Variants in TIMP2 observed in about 807,000 individuals in gnomAD.
TIMP2 encodes TIMP metallopeptidase inhibitor 2.
TIMP2 carries 5 observed loss-of-function variants against 24.3 expected under a neutral mutation model. That is an observed-to-expected ratio of 0.21 (90% CI 0.11 to 0.43). The LOEUF is 0.43. Ranked by LOEUF, TIMP2 falls within the 20% of genes least tolerant of loss-of-function variation. TIMP2 has a pLI of 1.00. For synonymous variants in TIMP2, 130 were observed against 123.2 expected (o/e 1.06, Z -0.37); for missense variants, 221 against 297.5 (o/e 0.74, Z 1.89).
chr17:78,879,597 G>A (rs550206368), intron 1 of TIMP2, among the ~76,000 whole-genome samples: 3 of 152,100 alleles, frequency 2.0e-5, no homozygotes, highest in Non-Finnish European at 4.4e-5. Context: ...AGGCAGCTGC[G>A]AGAGGGGGAG....
Position 78,925,288 on chromosome 17 carries a change from C to CG in TIMP2, c.-201dup, listed in dbSNP as rs2070342687. ...TCTCGGGGGCGCGAGGGGAGGGGCG[C>CG]GGGGCGCAATTCGCCGGGCGGGGCG... is the stretch of plus-strand genomic sequence containing the variant. On this transcript the variant is annotated 5_prime_UTR_variant, in exon 1 of 5. Coordinates refer to ENST00000262768, the MANE Select transcript of TIMP2 (RefSeq NM_003255.5). 4.6e-5 allele frequency: 2 copies of CG among 43,556 alleles called. No individual in the cohort carries two copies. The highest frequency in any genetic ancestry group is 9.1e-5 in the Non-Finnish European group (2 of 21,998). 2.7% of individuals were successfully genotyped at this position (43,556 alleles called of 1,614,324 possible). A position where few individuals can be genotyped will look rare whatever the true frequency, so the allele number is the denominator to read the frequency against.
Position 78,924,889 on chromosome 17 carries a change from G to A in TIMP2, c.130+70C>T. The A allele has an allele frequency of 9.7e-7, 1 of 1,028,258 alleles. No homozygotes were observed. The highest frequency in any genetic ancestry group is 1.2e-6 in the Non-Finnish European group (1 of 825,184). 63.7% of individuals were successfully genotyped at this position (1,028,258 alleles called of 1,614,324 possible). On this transcript the variant is annotated intron_variant, in intron 1 of 4. Transcript: ENST00000262768. This position sits in a 1 kb window ranked among gnomAD's most constrained non-coding sequence, Gnocchi z 5.3. The stretch of plus-strand genomic sequence containing the variant: ...CCTCGGCCAGCGGCGGGCGGGCGGG[G>A]CGTCTGCGAACCCTCGGGGTCGCGG...
At chr17:78,871,907 A>AC (rs1267712312) in intron 2 of TIMP2, among the ~76,000 whole-genome samples, 2 of 149,554 alleles carry the variant, frequency 1.3e-5, no homozygotes, top group Admixed American at 1.3e-4. Context: ...CTGTTCCCTC[A>AC]CCCCCCACCC....
Position 78,857,520 on chromosome 17 carries a change from A to T in TIMP2, c.465+2T>A. 1 of 1,614,006 alleles carries T rather than the reference A, an allele frequency of 6.2e-7. No individual in the cohort carries two copies. The highest frequency in any genetic ancestry group is 8.5e-7 in the Non-Finnish European group (1 of 1,179,992). On this transcript the variant is annotated splice_donor_variant, in intron 4 of 4. Transcript: ENST00000262768. LOFTEE classifies it high-confidence loss of function. ...GCTCCAGCAGAGGCAGGACCTGCTT[A>T]CCTTGCACTCGCAGCCCATCTGGTA... is the stretch of plus-strand genomic sequence containing the variant.
intron 2 of TIMP2, among the ~76,000 whole-genome samples, chr17:78,871,447 G>A (rs1269431062): frequency 5.5e-5 from 2 of 36,680 alleles, no homozygotes; most frequent in South Asian, 7.4e-4. Context: ...GTAAGACTCC[G>A]TCAAAAAAAA....
At chr17:78,900,829 G>C (rs2070079520) in intron 1 of TIMP2, 1 of 152,262 alleles carries the variant, frequency 6.6e-6, no homozygotes, top group Admixed American at 6.5e-5. Flanking sequence ...AACTATGCAA[G>C]TACAGAGGTG....
chr17:78,920,139 C>A lies in TIMP2; in HGVS notation c.130+4820G>T, dbSNP rs1264917360. ...TCGAGTCAGTGGTTCTGCATCAGGA[C>A]TGGAGACGGCTGCCCGCGCCTCTCA... On this transcript the variant is annotated intron_variant, in intron 1 of 4. Coordinates refer to ENST00000262768, the MANE Select transcript of TIMP2 (RefSeq NM_003255.5). This position sits in a 1 kb window ranked among gnomAD's most constrained non-coding sequence, Gnocchi z 4.5. 6.6e-6 allele frequency among the ~76,000 whole-genome samples: 1 copy of A among 152,238 alleles called. No individual in the cohort carries two copies. Among genetic ancestry groups the A allele is most frequent in the Non-Finnish European group, 1.5e-5 (1 of 68,040 alleles).
chr17:78,902,430 G>A (rs1438341940), intron 1 of TIMP2, among the ~76,000 whole-genome samples: 1 of 152,244 alleles, frequency 6.6e-6, no homozygotes, highest in Non-Finnish European at 1.5e-5. Flanking sequence ...TGGACTGGCT[G>A]TGTTAGCATC....
intron 1 of TIMP2, among the ~76,000 whole-genome samples, chr17:78,902,102 C>T (rs1394991162): frequency 2.6e-5 from 4 of 152,148 alleles, no homozygotes; most frequent in Admixed American, 2.0e-4. Context: ...GGCGGGGGGA[C>T]GGGGGTCCCA....
At chr17:78,878,481 T>C (rs1211242915) in intron 1 of TIMP2, among the ~76,000 whole-genome samples, 1 of 152,120 alleles carries the variant, frequency 6.6e-6, no homozygotes, top group African/African-American at 2.4e-5. Flanking sequence ...GGGTGAGGGA[T>C]TGGGACGGTG....
At position 78,857,612 on chromosome 17, in the gene TIMP2, G is replaced by T. The variant is rs970027974; in HGVS notation, c.375C>A (p.Thr125=). Residue 125 remains threonine (T), a synonymous_variant, in exon 4 of 5, where the codon ACC becomes ACA. Transcript: ENST00000262768. Reference sequence around the variant, plus strand: ...CCCAGGGCACGATGAAGTCACAGAGGGTGATGTGCATCTTGCCGTCCCCCT... The same window carrying T: ...CCCAGGGCACGATGAAGTCACAGAGTGTGATGTGCATCTTGCCGTCCCCCT... The part of the protein sequence containing the change: ...KAEGDGKMHI[T]LCDFIVPWDT... 5 of 1,614,060 alleles carry T rather than the reference G, an allele frequency of 3.1e-6. No homozygotes were observed. The highest frequency in any genetic ancestry group is 4.2e-6 in the Non-Finnish European group (5 of 1,180,034).
At chr17:78,862,571 T>G (rs1191274730) in intron 3 of TIMP2, among the ~76,000 whole-genome samples, 1 of 152,248 alleles carries the variant, frequency 6.6e-6, no homozygotes, top group Non-Finnish European at 1.5e-5. Flanking sequence ...TGTTGATTTT[T>G]AGAAACAGGA....
intron 3 of TIMP2, among the ~76,000 whole-genome samples, chr17:78,862,457 T>C (rs931227): frequency 0.87 from 132,167 of 152,296 alleles, 57,746 homozygotes; most frequent in African/African-American, 0.96. Flanking sequence ...CATTAACAGC[T>C]TCACCCCTGC....
chr17:78,893,201 A>G (rs1161708429), intron 1 of TIMP2, among the ~76,000 whole-genome samples: 8 of 49,926 alleles, frequency 1.6e-4, no homozygotes, highest in East Asian at 6.3e-4. Flanking sequence ...GTGTGCAAGG[A>G]TGTGTGTGCA....
chr17:78,856,685 C>G, intron 4 of TIMP2: 1 of 152,510 alleles, frequency 6.6e-6, no homozygotes, highest in Non-Finnish European at 1.5e-5. Context: ...AGGCGCTGCA[C>G]TGCTCCAGCT....
intron 3 of TIMP2, 25 bp from the exon 4 acceptor site, chr17:78,857,671 G>A: frequency 1.2e-6 from 2 of 1,613,678 alleles, no homozygotes; most frequent in Non-Finnish European, 8.5e-7. Context: ...GGATCACCGA[G>A]CTCAGGGAGA....
rs1268048970 is a variant in TIMP2 at position 78,920,353 on chromosome 17, C to A, written c.130+4606G>T. ...CCAGGACTGCGTACGTGGCTCTGCA[C>A]CCCCAGAAGGGTGCAAATAGGGGAG... is the stretch of plus-strand genomic sequence containing the variant. On this transcript the variant is annotated intron_variant, in intron 1 of 4. Coordinates refer to ENST00000262768, the MANE Select transcript of TIMP2 (RefSeq NM_003255.5). This position sits in a 1 kb window ranked among gnomAD's most constrained non-coding sequence, Gnocchi z 4.5. 6.6e-6 allele frequency among the ~76,000 whole-genome samples: 1 copy of A among 152,204 alleles called. No individual in the cohort carries two copies. Among genetic ancestry groups the A allele is most frequent in the African/African-American group, 2.4e-5 (1 of 41,444 alleles).
intron 1 of TIMP2, among the ~76,000 whole-genome samples, chr17:78,922,858 G>A (rs1373787975): frequency 6.6e-6 from 1 of 152,160 alleles, no homozygotes; most frequent in Non-Finnish European, 1.5e-5. Context: ...GCCATGTGAA[G>A]ACAGGCGGAA....
intron 1 of TIMP2, chr17:78,892,428 A>T: frequency 6.5e-7 from 1 of 1,549,860 alleles, no homozygotes; most frequent in South Asian, 1.2e-5. Context: ...GGGCCTGAGG[A>T]GCCACAGAAG....
Sources: allele counts gnomAD v4.1 joint callset (sites outside exome capture counted in the v4.1 genomes callset), GRCh38; gene constraint gnomAD v4.1.1; non-coding constraint Gnocchi (gnomAD v3.1); transcripts MANE v1.5; gene names NCBI Gene and HGNC (gene_info 2026-07-23, HGNC 2026-07-21).